The following ZNF415 variants were observed in gnomAD, a reference collection of about 807,000 sequenced individuals.
The protein encoded by ZNF415 is zinc finger protein 415.
Under a neutral mutation model 7.3 loss-of-function variants are expected in ZNF415, and 5 were observed. The ratio of observed to expected loss-of-function variants is 0.69; its 90% confidence interval spans 0.36 to 1.44. The LOEUF (loss-of-function observed/expected upper bound fraction) is 1.44. Ranked by LOEUF, ZNF415 falls within the 40% of genes most tolerant of loss-of-function variation. The pLI, the probability that ZNF415 is intolerant of heterozygous loss-of-function variation, is 0.04. For missense variants in ZNF415, 628 were observed against 664.8 expected (o/e 0.94, Z 0.61); for synonymous variants, 207 against 226.3 (o/e 0.91, Z 0.77).
Position 53,110,670 on chromosome 19 carries a change from C to A in ZNF415, c.137-762G>T, listed in dbSNP as rs200541146. 2.0e-4 allele frequency among the ~76,000 whole-genome samples: 30 copies of A among 152,264 alleles called. 1 individual carries two copies. The highest frequency in any genetic ancestry group is 4.1e-4 in the Non-Finnish European group (28 of 68,026). On this transcript the variant is annotated intron_variant, in intron 3 of 3. Coordinates refer to ENST00000243643, the MANE Select transcript of ZNF415 (RefSeq NM_018355.4). The stretch of plus-strand genomic sequence containing the variant: ...TAACTACACTTGTACAAAGTTATAG[C>A]CTGTAAATGATTCTCTCCTAAGAAA...
intron 2 of ZNF415, among the ~76,000 whole-genome samples, chr19:53,116,715 A>G (rs2087115160): frequency 6.6e-6 from 1 of 151,544 alleles, no homozygotes; most frequent in African/African-American, 2.4e-5. Flanking sequence ...TCCCAGGTTC[A>G]AGTGACCCTC....
At chr19:53,130,429 C>G (rs2089910581) in intron 1 of ZNF415, among the ~76,000 whole-genome samples, 1 of 147,970 alleles carries the variant, frequency 6.8e-6, no homozygotes, top group Non-Finnish European at 1.5e-5. Context: ...TAAGAAATAT[C>G]TGATGAATTT....
rs1321775797 is a variant in ZNF415, at chr19:53,132,876, C to A, written c.-88G>T. The A allele has an allele frequency of 6.6e-6, 1 of 152,268 alleles. No homozygotes were observed. Among genetic ancestry groups the A allele is most frequent in the Admixed American group, 6.5e-5 (1 of 15,282 alleles). 9.4% of individuals were successfully genotyped at this position (152,268 alleles called of 1,614,324 possible). A position where few individuals can be genotyped will look rare whatever the true frequency, so the allele number is the denominator to read the frequency against. ...CTCACGCTCGACGCCGTCACCTTCA[C>A]CCAACGCGATCCGTTTCCGGGCCTG... On this transcript the variant is annotated 5_prime_UTR_variant, in exon 1 of 4. Coordinates refer to ENST00000243643, the MANE Select transcript of ZNF415 (RefSeq NM_018355.4).
chr19:53,117,450 AAAAG>A (rs909295927), intron 2 of ZNF415, among the ~76,000 whole-genome samples: 4 of 152,084 alleles, frequency 2.6e-5, no homozygotes, highest in Non-Finnish European at 4.4e-5. Context: ...TCAAAAAAAA[AAAAG>A]AAAGAAAGAG....
Position 53,122,694 on chromosome 19 carries a change from T to C in ZNF415, c.-18A>G. The C allele has an allele frequency of 6.2e-7, 1 of 1,614,144 alleles. No individual in the cohort carries two copies. Among genetic ancestry groups the C allele is most frequent in the Non-Finnish European group, 8.5e-7 (1 of 1,180,004 alleles). ...AAAGCCATTCCTGACTCCTTTGCTC[T>C]CCTCTTCTGGGTTTCTTCCTCATGT... On this transcript the variant is annotated 5_prime_UTR_variant, in exon 2 of 4. Transcript: ENST00000243643.
At chr19:53,117,441 C>CAA (rs58567730) in intron 2 of ZNF415, among the ~76,000 whole-genome samples, 2 of 123,512 alleles carry the variant, frequency 1.6e-5, no homozygotes, top group African/African-American at 5.9e-5. Context: ...AATTCCGTCT[C>CAA]AAAAAAAAAA....
At position 53,109,344 on chromosome 19, in the gene ZNF415, C is replaced by T. The variant is rs375792374; in HGVS notation, c.701G>A (p.Arg234His). The change falls in exon 4 of 4, where the codon CGT (arginine) becomes CAT (histidine). Residue 234 changes from arginine to histidine, a missense_variant. Transcript: ENST00000243643. ...ALNHGSHMTV[R>H]QVSHSGEKGY... is the part of the protein sequence containing the mutation. Reference sequence around the variant, plus strand: ...TTTCTCTCCAGAATGACTTACCTGACGTACAGTCATGTGTGAGCCATGATT... The same window carrying T: ...TTTCTCTCCAGAATGACTTACCTGATGTACAGTCATGTGTGAGCCATGATT... 72 of 1,614,150 alleles carry T rather than the reference C, an allele frequency of 4.5e-5. No homozygotes were observed. The East Asian group carries it at 1.0e-3, about 23-fold the overall frequency.
intron 1 of ZNF415, among the ~76,000 whole-genome samples, chr19:53,130,204 A>G (rs1175502398): frequency 2.0e-5 from 3 of 152,240 alleles, no homozygotes; most frequent in African/African-American, 7.2e-5. Flanking sequence ...CAAATTACAC[A>G]AAAGAAGAAA....
chr19:53,130,857 G>A (rs1250288806), intron 1 of ZNF415, among the ~76,000 whole-genome samples: 3 of 151,928 alleles, frequency 2.0e-5, no homozygotes, highest in African/African-American at 7.3e-5. Context: ...TCTTTGCCAG[G>A]CTGGTCTTGA....
At chr19:53,114,009 T>C (rs2086636416) in intron 3 of ZNF415, among the ~76,000 whole-genome samples, 2 of 152,200 alleles carry the variant, frequency 1.3e-5, no homozygotes, top group South Asian at 4.1e-4. Flanking sequence ...TCTCTACATG[T>C]AGCAGGATGC....
At chr19:53,132,834 A>G (rs945850764) in intron 1 of ZNF415, 22 bp downstream of exon 1, 1 of 152,310 alleles carries the variant, frequency 6.6e-6, no homozygotes, top group Non-Finnish European at 1.5e-5. Context: ...CGCAGGTTTA[A>G]TCTACACAGA....
At chr19:53,114,410 C>T (rs1424888013) in intron 3 of ZNF415, among the ~76,000 whole-genome samples, 4 of 152,072 alleles carry the variant, frequency 2.6e-5, no homozygotes, top group African/African-American at 4.8e-5. Context: ...TCAGGTGATC[C>T]GCCCACCTCA....
rs1413996340 is a variant in ZNF415, at chr19:53,108,937, T to A, written c.1108A>T (p.Ser370Cys). The change falls in exon 4 of 4, where the codon AGC (serine) becomes TGC (cysteine). Residue 370 changes from serine (S) to cysteine (C), a missense_variant. Coordinates refer to ENST00000243643, the MANE Select transcript of ZNF415 (RefSeq NM_018355.4). ...TGAATTCTCTGATGAGTTGCAAGGCTTGAAGTCTGACTGAACACCTTGCCA... is the reference window on the plus strand; with the variant it reads ...TGAATTCTCTGATGAGTTGCAAGGCATGAAGTCTGACTGAACACCTTGCCA... ...ECGKVFSQTS[S>C]LATHQRIHTG... The A allele has an allele frequency of 1.9e-6, 3 of 1,614,014 alleles. No homozygotes were observed. Among genetic ancestry groups the A allele is most frequent in the Admixed American group, 3.3e-5 (2 of 59,974 alleles).
At chr19:53,111,804 T>C (rs940476444) in intron 3 of ZNF415, among the ~76,000 whole-genome samples, 1 of 152,200 alleles carries the variant, frequency 6.6e-6, no homozygotes, top group African/African-American at 2.4e-5. Flanking sequence ...CACCTTGTTT[T>C]AAAAACTTTC....
chr19:53,109,275 G>T lies in ZNF415; in HGVS notation c.770C>A (p.Ser257Ter). Residue 257 changes from serine (S) to a stop codon, truncating the protein, a stop_gained, in exon 4 of 4, where the codon TCA becomes TAA. Transcript: ENST00000243643. LOFTEE classifies it low-confidence loss of function (END_TRUNC). ...AACTCTCCAATGACGCGCAAGGTTT[G>T]ATTTTTGACTAAAGACCTTGCCACA... ...DLCGKVFSQK[S>*]NLARHWRVHT... The T allele has an allele frequency of 6.2e-7, 1 of 1,614,128 alleles. No individual in the cohort carries two copies. Among genetic ancestry groups the T allele is most frequent in the South Asian group, 1.1e-5 (1 of 91,084 alleles).
intron 1 of ZNF415, among the ~76,000 whole-genome samples, chr19:53,129,392 A>G (rs962282968): frequency 6.6e-6 from 1 of 152,176 alleles, no homozygotes; most frequent in African/African-American, 2.4e-5. Context: ...TGATGTCCTC[A>G]TACAGAGAAA....
chr19:53,125,459 C>A (rs968618930), intron 1 of ZNF415, among the ~76,000 whole-genome samples: 4 of 151,818 alleles, frequency 2.6e-5, no homozygotes, highest in African/African-American at 9.7e-5. Context: ...CTCAGCCTCT[C>A]GAGTAGCTAG....
intron 3 of ZNF415, among the ~76,000 whole-genome samples, chr19:53,111,282 C>T (rs1228024972): frequency 6.6e-6 from 1 of 150,972 alleles, no homozygotes; most frequent in East Asian, 1.9e-4. Context: ...GACTTCCCAG[C>T]TTCCAGGTCT....
At chr19:53,130,602 G>C (rs1223954129) in intron 1 of ZNF415, among the ~76,000 whole-genome samples, 1 of 152,066 alleles carries the variant, frequency 6.6e-6, no homozygotes, top group Non-Finnish European at 1.5e-5. Flanking sequence ...TGAGATGAAA[G>C]GGAATTAGTA....
Sources: gnomAD v4.1 joint callset for allele counts (sites outside exome capture counted in the v4.1 genomes callset) on GRCh38, gnomAD v4.1.1 for gene constraint, MANE v1.5 for transcripts, NCBI Gene and HGNC (gene_info 2026-07-23, HGNC 2026-07-21) for gene names.